NEK1: variants seen among roughly 807,000 people sequenced by gnomAD.
NEK1 encodes the protein serine/threonine-protein kinase Nek1.
A neutral mutation model predicts 182.1 loss-of-function variants in NEK1; 137 were observed. The observed-to-expected ratio is 0.75, with a 90% CI of 0.65 to 0.87. The LOEUF is 0.87. Among genes scored for constraint, NEK1 ranks in the 40% least tolerant of loss-of-function variants. The pLI, the probability that NEK1 is intolerant of heterozygous loss-of-function variation, is 0.00. For missense variants in NEK1, 1,391 were observed against 1,494.4 expected (o/e 0.93, Z 1.14); for synonymous variants, 513 against 492.2 (o/e 1.04, Z -0.56).
intron 19 of NEK1, among the ~76,000 whole-genome samples, chr4:169,523,592 C>A (rs982849948): frequency 6.6e-6 from 1 of 152,234 alleles, no homozygotes; most frequent in Non-Finnish European, 1.5e-5. Flanking sequence ...TGATCTTGGA[C>A]TTCTTGCCCT....
chr4:169,417,063 T>C (rs1384581194), intron 31 of NEK1, among the ~76,000 whole-genome samples: 3 of 152,116 alleles, frequency 2.0e-5, no homozygotes, highest in Non-Finnish European at 2.9e-5. Flanking sequence ...ATGGCCAAGA[T>C]GATGATGTCT....
chr4:169,595,400 A>T (rs943580188), intron 5 of NEK1, among the ~76,000 whole-genome samples: 2 of 152,188 alleles, frequency 1.3e-5, no homozygotes, highest in Non-Finnish European at 2.9e-5. Context: ...ATAAACTTAA[A>T]ATGATATTTG....
intron 23 of NEK1, among the ~76,000 whole-genome samples, chr4:169,480,510 T>TTAA (rs1361908985): frequency 2.0e-5 from 2 of 100,272 alleles, no homozygotes; most frequent in African/African-American, 6.5e-5. Flanking sequence ...ACCTCATTCC[T>TTAA]AAAAAAAAAA....
chr4:169,601,881 G>T, intron 4 of NEK1, 127 bp downstream of exon 4: 4 of 660,140 alleles, frequency 6.1e-6, no homozygotes, highest in Non-Finnish European at 1.0e-5. Context: ...TATTGTCCTT[G>T]AATCAAGCTG....
rs768418367 is a variant in NEK1 at position 169,424,612 on chromosome 4, T to A, written c.3163A>T (p.Asn1055Tyr). 5.0e-6 allele frequency: 8 copies of A among 1,612,902 alleles called. No individual in the cohort carries two copies. The South Asian group carries it at 8.8e-5, about 18-fold the overall frequency. The change falls in exon 31 of 36, where the codon AAC (asparagine) becomes TAC (tyrosine). Residue 1055 changes from asparagine to tyrosine, a missense_variant. Coordinates refer to ENST00000507142, the MANE Select transcript of NEK1 (RefSeq NM_001199397.3). ...AGTCCAATCAGCAAGGAATTCTTGT[T>A]TTTATTTTTTGGTGGTAAATGCGAG... ...SHSHLPPKNK[N>Y]KNSLLIGLST...
At chr4:169,415,139 C>A (rs1228562621) in intron 31 of NEK1, among the ~76,000 whole-genome samples, 1 of 152,188 alleles carries the variant, frequency 6.6e-6, no homozygotes, top group Non-Finnish European at 1.5e-5. Flanking sequence ...ACAGCTAATT[C>A]ATTTGGTAAT....
rs773067792 is a variant in NEK1 at position 169,590,755 on chromosome 4, T to C, written c.367A>G (p.Lys123Glu). Reference sequence around the variant, plus strand: ...GATTTAATGTCTCGATGAAGAATTTTTCTATCATGTACATGTTTCAGGGCC... The same window carrying C: ...GATTTAATGTCTCGATGAAGAATTTCTCTATCATGTACATGTTTCAGGGCC... ...CLALKHVHDR[K>E]ILHRDIKSQN... Residue 123 changes from lysine to glutamate, a missense_variant, in exon 6 of 36, where the codon AAA becomes GAA. Physicochemically the swap from Lys to Glu is moderately conservative, Grantham distance 56. Transcript: ENST00000507142. 6.3e-7 allele frequency: 1 copy of C among 1,598,246 alleles called. No homozygotes were observed. The highest frequency in any genetic ancestry group is 1.1e-5 in the South Asian group (1 of 88,116).
At chr4:169,419,616 G>A (rs1380105470) in intron 31 of NEK1, among the ~76,000 whole-genome samples, 1 of 152,176 alleles carries the variant, frequency 6.6e-6, no homozygotes, top group Non-Finnish European at 1.5e-5. Flanking sequence ...GGACGGGAAT[G>A]GAAGTACAGT....
chr4:169,428,351 G>GATATATATATATATATATATAT (rs60550267), intron 29 of NEK1, among the ~76,000 whole-genome samples: 3,961 of 92,310 alleles, frequency 0.043, 324 homozygotes, highest in East Asian at 0.074. Context: ...AAATATATGG[G>GATATATATATATATATATATAT]ATATATATAT....
At position 169,577,049 on chromosome 4, in the gene NEK1, A is replaced by G. The variant is rs753392280; in HGVS notation, c.899T>C (p.Ile300Thr). 1.6e-5 allele frequency: 26 copies of G among 1,613,746 alleles called. No homozygotes were observed. In the East Asian group the frequency reaches 4.7e-4, roughly 29 times the overall value. Residue 300 changes from isoleucine (I) to threonine (T), a missense_variant, in exon 12 of 36, where the codon ATT becomes ACT. Physicochemically the swap from Ile to Thr is moderately conservative, Grantham distance 89. Transcript: ENST00000507142. ...AKRPASGQNS[I>T]SVMPAQKITK... ...AATTTTCTGAGCAGGCATAACAGAA[A>G]TCGAGTTTTGTCCTGAAGCTGGTCT...
At chr4:169,568,735 G>A (rs1233122259) in intron 12 of NEK1, among the ~76,000 whole-genome samples, 4 of 151,964 alleles carry the variant, frequency 2.6e-5, no homozygotes, top group Non-Finnish European at 5.9e-5. Context: ...AGGAGTTCGA[G>A]GCCAGCCTGG....
chr4:169,591,432 A>G (rs1289200157), intron 5 of NEK1, among the ~76,000 whole-genome samples: 1 of 152,018 alleles, frequency 6.6e-6, no homozygotes, highest in Non-Finnish European at 1.5e-5. Context: ...TTGGCCTCCC[A>G]AAGTACTGGG....
At chr4:169,596,332 C>T (rs78667554) in intron 5 of NEK1, among the ~76,000 whole-genome samples, 1 of 152,204 alleles carries the variant, frequency 6.6e-6, no homozygotes, top group African/African-American at 2.4e-5. Flanking sequence ...TCTTGCTGCA[C>T]CTAACTATTT....
chr4:169,564,285 C>A (rs1461106346), intron 12 of NEK1, among the ~76,000 whole-genome samples: 1 of 151,952 alleles, frequency 6.6e-6, no homozygotes, highest in Non-Finnish European at 1.5e-5. Context: ...GGAAAGCAGA[C>A]ATTACTTAAA....
At chr4:169,502,984 C>A (rs1752656923) in intron 23 of NEK1, among the ~76,000 whole-genome samples, 2 of 151,674 alleles carry the variant, frequency 1.3e-5, no homozygotes, top group Non-Finnish European at 3.0e-5. Context: ...AAAATTCTAA[C>A]AATTCCACCA....
At chr4:169,534,170 G>A (rs1758095046) in intron 19 of NEK1, among the ~76,000 whole-genome samples, 1 of 152,114 alleles carries the variant, frequency 6.6e-6, no homozygotes, top group South Asian at 2.1e-4. Context: ...CATCCATAAT[G>A]AAGTAACAGA....
intron 23 of NEK1, among the ~76,000 whole-genome samples, chr4:169,480,953 A>G (rs1471955340): frequency 1.3e-5 from 2 of 152,202 alleles, no homozygotes; most frequent in South Asian, 2.1e-4. Flanking sequence ...AACTGGAGTC[A>G]GTCATCTCAA....
At chr4:169,605,418 GA>G (rs1161812324) in intron 2 of NEK1, among the ~76,000 whole-genome samples, 1 of 152,150 alleles carries the variant, frequency 6.6e-6, no homozygotes, top group East Asian at 1.9e-4. Flanking sequence ...TGACTTTCAG[GA>G]AAACAGACAA....
At chr4:169,549,251 C>G (rs967705392) in intron 18 of NEK1, among the ~76,000 whole-genome samples, 1 of 152,150 alleles carries the variant, frequency 6.6e-6, no homozygotes, top group East Asian at 1.9e-4. Context: ...TGAGGTGACA[C>G]CCCACCCTGC....
Sources: allele counts gnomAD v4.1 joint callset (sites outside exome capture counted in the v4.1 genomes callset), GRCh38; gene constraint gnomAD v4.1.1; transcripts MANE v1.5; gene names NCBI Gene and HGNC (gene_info 2026-07-23, HGNC 2026-07-21).